FHIT: variants seen among roughly 807,000 people sequenced by gnomAD.
FHIT encodes the protein fragile histidine triad diadenosine triphosphatase.
In FHIT, 19 loss-of-function variants were observed where a neutral mutation model predicts 17.9. The observed-to-expected ratio is 1.06, with a 90% CI of 0.74 to 1.56. The LOEUF (loss-of-function observed/expected upper bound fraction) is 1.56, where lower values mean the gene tolerates loss of function less well. FHIT is among the 40% of genes most tolerant of loss of function. The pLI is 0.00. For missense variants in FHIT, 248 were observed against 189.2 expected (o/e 1.31, Z -1.82); for synonymous variants, 81 against 69.7 (o/e 1.16, Z -0.81).
At chr3:60,064,222 A>G (rs1315370708) in intron 5 of FHIT, among the ~76,000 whole-genome samples, 1 of 152,204 alleles carries the variant, frequency 6.6e-6, no homozygotes, top group Admixed American at 6.5e-5. Context: ...ATGAAACATA[A>G]AAGTAAAATA....
chr3:59,854,518 G>A (rs1042795572), intron 8 of FHIT, among the ~76,000 whole-genome samples: 5 of 152,134 alleles, frequency 3.3e-5, no homozygotes, highest in African/African-American at 1.2e-4. Context: ...CCAGGTGCTG[G>A]CATCACATAT....
intron 4 of FHIT, among the ~76,000 whole-genome samples, chr3:60,712,031 G>C (rs1226867964): frequency 6.6e-6 from 1 of 152,148 alleles, no homozygotes; most frequent in African/African-American, 2.4e-5. Flanking sequence ...CAGAAAGGTC[G>C]GGTTACCCAC....
At chr3:60,317,468 A>G (rs1028649374) in intron 5 of FHIT, among the ~76,000 whole-genome samples, 1 of 151,172 alleles carries the variant, frequency 6.6e-6, no homozygotes, top group Non-Finnish European at 1.5e-5. Context: ...AAAATATTTC[A>G]GTAGTTAACT....
chr3:61,149,750 C>A (rs190075370), intron 2 of FHIT, among the ~76,000 whole-genome samples: 1 of 151,874 alleles, frequency 6.6e-6, no homozygotes, highest in African/African-American at 2.4e-5. Flanking sequence ...TGTGGTGGTG[C>A]GCACCTGTAG....
chr3:60,950,844 T>A (rs1553777063), intron 3 of FHIT, among the ~76,000 whole-genome samples: 2 of 152,072 alleles, frequency 1.3e-5, no homozygotes, highest in Non-Finnish European at 1.5e-5. Flanking sequence ...TTTCTTCTTG[T>A]CTGATTAAAA....
intron 5 of FHIT, among the ~76,000 whole-genome samples, chr3:60,193,880 G>A (rs1370891283): frequency 6.6e-6 from 1 of 152,158 alleles, no homozygotes; most frequent in African/African-American, 2.4e-5. Flanking sequence ...AGGAAAAGAG[G>A]TGTTTGATAT....
rs530377743 is a variant in FHIT at position 59,932,125 on chromosome 3, G to A, written c.280-9711C>T. Among the ~76,000 whole-genome samples the A allele has an allele frequency of 2.2e-4, 33 of 152,246 alleles. No individual in the cohort carries two copies. The Middle Eastern group carries it at 0.01, about 47-fold the overall frequency. ...TCAATTCCTCCTCCATGAGCACAGA[G>A]GTGAGCAAGTGTCAATGCATCCATT... is the stretch of plus-strand genomic sequence containing the variant. On this transcript the variant is annotated intron_variant, in intron 7 of 9. Transcript: ENST00000492590.
intron 5 of FHIT, among the ~76,000 whole-genome samples, chr3:60,362,046 TTAAATCTCA>T (rs148426625): frequency 0.027 from 4,110 of 152,288 alleles, 110 homozygotes; most frequent in African/African-American, 0.071. Flanking sequence ...GTCACCAATC[TTAAATCTCA>T]GTGTTTAATA....
intron 5 of FHIT, among the ~76,000 whole-genome samples, chr3:60,226,483 A>AAAAAAAAAAAAAC (rs1704208425): frequency 6.6e-6 from 1 of 151,162 alleles, no homozygotes; most frequent in African/African-American, 2.4e-5. Flanking sequence ...AAAAAAAAAA[A>AAAAAAAAAAAAAC]AAAAAAAAAA....
intron 5 of FHIT, among the ~76,000 whole-genome samples, chr3:60,344,354 C>A (rs1317815853): frequency 6.6e-6 from 1 of 152,152 alleles, no homozygotes; most frequent in Non-Finnish European, 1.5e-5. Flanking sequence ...GAATAGCAAT[C>A]TAGAAGAGTG....
At chr3:61,144,205 C>T (rs962539145) in intron 2 of FHIT, among the ~76,000 whole-genome samples, 9 of 152,148 alleles carry the variant, frequency 5.9e-5, no homozygotes, top group Admixed American at 5.2e-4. Flanking sequence ...CCAATTTCCC[C>T]GCTACCCCTG....
intron 5 of FHIT, among the ~76,000 whole-genome samples, chr3:60,232,966 G>A (rs2107556234): frequency 6.6e-6 from 1 of 152,250 alleles, no homozygotes; most frequent in South Asian, 2.1e-4. Context: ...GAGTTCTGAT[G>A]TTCTAGAGAT....
At chr3:60,551,311 A>T (rs1412571318) in intron 4 of FHIT, among the ~76,000 whole-genome samples, 1 of 150,020 alleles carries the variant, frequency 6.7e-6, no homozygotes. Flanking sequence ...CTTTCAAAAA[A>T]AGATTTTACT....
At chr3:61,219,780 T>A (rs2039786995) in intron 1 of FHIT, among the ~76,000 whole-genome samples, 1 of 152,172 alleles carries the variant, frequency 6.6e-6, no homozygotes, top group East Asian at 1.9e-4. Flanking sequence ...AGGATAGCCC[T>A]CCAAAAAATC....
intron 5 of FHIT, among the ~76,000 whole-genome samples, chr3:60,466,365 A>G (rs914181148): frequency 6.6e-6 from 1 of 151,978 alleles, no homozygotes. Flanking sequence ...GATACCCTTT[A>G]TATCTTTCTC....
chr3:60,925,835 T>C (rs1490509474), intron 3 of FHIT, among the ~76,000 whole-genome samples: 4 of 152,102 alleles, frequency 2.6e-5, no homozygotes, highest in African/African-American at 7.2e-5. Context: ...GAGACACACA[T>C]AGGCTCAAAA....
At chr3:60,299,595 A>T (rs1456191492) in intron 5 of FHIT, among the ~76,000 whole-genome samples, 1 of 152,076 alleles carries the variant, frequency 6.6e-6, no homozygotes, top group East Asian at 1.9e-4. Context: ...GAAAGTCCTA[A>T]TTGTCTATAA....
chr3:61,226,607 C>G (rs2039976308), intron 1 of FHIT, among the ~76,000 whole-genome samples: 1 of 151,902 alleles, frequency 6.6e-6, no homozygotes, highest in African/African-American at 2.4e-5. Flanking sequence ...AATACATGGT[C>G]ACTTTAAAAC....
chr3:60,053,456 G>A (rs889742102), intron 5 of FHIT, among the ~76,000 whole-genome samples: 1 of 149,836 alleles, frequency 6.7e-6, no homozygotes, highest in Non-Finnish European at 1.5e-5. Flanking sequence ...ATTTTCTCTG[G>A]TGCTTCCAAG....
Sources: gnomAD v4.1 joint callset for allele counts (sites outside exome capture counted in the v4.1 genomes callset) on GRCh38, gnomAD v4.1.1 for gene constraint, MANE v1.5 for transcripts, NCBI Gene and HGNC (gene_info 2026-07-23, HGNC 2026-07-21) for gene names.